THSD4: variants seen among roughly 807,000 people sequenced by gnomAD.
The protein encoded by THSD4 is thrombospondin type-1 domain-containing protein 4.
THSD4 carries 69 observed loss-of-function variants against 119.0 expected under a neutral mutation model. The ratio of observed to expected loss-of-function variants is 0.58; its 90% CI spans 0.48 to 0.71. The LOEUF (loss-of-function observed/expected upper bound fraction) is 0.71. Ranked by LOEUF, THSD4 falls within the 30% of genes least tolerant of loss-of-function variation. The pLI is 0.00. For missense variants in THSD4, 1,393 were observed against 1,391.1 expected (o/e 1.00, Z -0.02); for synonymous variants, 524 against 540.4 (o/e 0.97, Z 0.42).
Position 71,141,506 on chromosome 15 carries a change from T to C in THSD4, c.-22T>C. 1 of 1,606,430 alleles carries C rather than the reference T, an allele frequency of 6.2e-7. No homozygotes were observed. The highest frequency in any genetic ancestry group is 8.5e-7 in the Non-Finnish European group (1 of 1,176,622). On this transcript the variant is annotated 5_prime_UTR_variant, in exon 2 of 18. Transcript: ENST00000261862. ...GGCAACGTCTCTGAAGAGCCCTTGC[T>C]TTTGCCTGGACCCCCAGCATCATGG...
intron 6 of THSD4, among the ~76,000 whole-genome samples, chr15:71,399,400 A>G (rs2046494408): frequency 6.6e-6 from 1 of 152,206 alleles, no homozygotes; most frequent in Admixed American, 6.5e-5. Context: ...AAATGCAGCT[A>G]AAAAGGGAAG....
intron 7 of THSD4, among the ~76,000 whole-genome samples, chr15:71,573,095 T>C (rs904348989): frequency 6.6e-6 from 1 of 152,060 alleles, no homozygotes; most frequent in African/African-American, 2.4e-5. Flanking sequence ...CTTTGGGAAA[T>C]ACACTGTGGC....
intron 8 of THSD4, among the ~76,000 whole-genome samples, chr15:71,710,072 T>C (rs1020984550): frequency 6.6e-6 from 1 of 152,208 alleles, no homozygotes; most frequent in Non-Finnish European, 1.5e-5. Context: ...TAGACTAAGA[T>C]AGATAAACTT....
In THSD4 at chr15:71,424,557, C is replaced by T. The variant is rs566070839; in HGVS notation, c.1152+12734C>T. Among the ~76,000 whole-genome samples, 9 of 152,238 alleles carry T rather than the reference C, an allele frequency of 5.9e-5. No homozygotes were observed. The East Asian group carries it at 9.7e-4, about 16-fold the overall frequency. On this transcript the variant is annotated intron_variant, in intron 7 of 17. Coordinates refer to ENST00000261862, the MANE Select transcript of THSD4 (RefSeq NM_024817.3). ...TGCAGAGATTCTCCCTCCCTCACCC[C>T]AACCCCTTTCTCCAGACATCAAAAA...
chr15:71,298,757 C>T (rs980379052), intron 6 of THSD4, among the ~76,000 whole-genome samples: 1 of 152,032 alleles, frequency 6.6e-6, no homozygotes, highest in African/African-American at 2.4e-5. Flanking sequence ...GGACTACAGG[C>T]ACACGCCGCC....
rs556472282 is a variant in THSD4 at position 71,538,913 on chromosome 15, G to C, written c.1153-121617G>C. ...GATTGTGTCTCTGGCCCTTCTCCTG[G>C]CCCCACTTTAAATCCCTGAGCCCAG... On this transcript the variant is annotated intron_variant, in intron 7 of 17. Coordinates refer to ENST00000261862, the MANE Select transcript of THSD4 (RefSeq NM_024817.3). 2.0e-3 allele frequency among the ~76,000 whole-genome samples: 297 copies of C among 152,258 alleles called. 3 individuals carry two copies. Among genetic ancestry groups the C allele is most frequent in the Non-Finnish European group, 3.3e-3 (227 of 68,008 alleles).
intron 7 of THSD4, among the ~76,000 whole-genome samples, chr15:71,644,103 A>G (rs2050921640): frequency 6.6e-6 from 1 of 152,220 alleles, no homozygotes; most frequent in African/African-American, 2.4e-5. Flanking sequence ...TATAGGTTAA[A>G]TTAGCCCCAG....
intron 2 of THSD4, among the ~76,000 whole-genome samples, chr15:71,144,535 A>C (rs2040637792): frequency 6.6e-6 from 1 of 152,206 alleles, no homozygotes; most frequent in African/African-American, 2.4e-5. Context: ...AAACAGGTTA[A>C]AATTAGGAAT....
At position 71,395,914 on chromosome 15, in the gene THSD4, G is replaced by GACACACACAC. The variant is rs58433075; in HGVS notation, c.1016-15743_1016-15734dup. Among the ~76,000 whole-genome samples the GACACACACAC allele has an allele frequency of 6.4e-3, 849 of 133,364 alleles. 3 individuals carry two copies. The highest frequency in any genetic ancestry group is 7.4e-3 in the Non-Finnish European group (466 of 62,866). The allele number at this position is 133,364 out of a possible 152,430, so 87.5% of individuals were successfully genotyped here. A position where few individuals can be genotyped will look rare whatever the true frequency, so the allele number is the denominator to read the frequency against. Reference sequence around the variant, plus strand: ...TCTGCTTCTCAGTGTTTTGAAGAGAGACACACACACACACACACACACACA... The same window carrying GACACACACAC: ...TCTGCTTCTCAGTGTTTTGAAGAGAGACACACACACACACACACACACACACACACACACA... On this transcript the variant is annotated intron_variant, in intron 6 of 17. Coordinates refer to ENST00000261862, the MANE Select transcript of THSD4 (RefSeq NM_024817.3).
chr15:71,777,939 T>A lies in THSD4; in HGVS notation c.*565T>A, dbSNP rs1242408745. Reference sequence around the variant, plus strand: ...AGATAGCTCACATGAATATTGTGCTTTATTTAGCAGGTGTACTCACAGATA... The same window carrying A: ...AGATAGCTCACATGAATATTGTGCTATATTTAGCAGGTGTACTCACAGATA... On this transcript the variant is annotated 3_prime_UTR_variant, in exon 18 of 18. Coordinates refer to ENST00000261862, the MANE Select transcript of THSD4 (RefSeq NM_024817.3). 6.4e-6 allele frequency: 1 copy of A among 155,306 alleles called. No homozygotes were observed. The highest frequency in any genetic ancestry group is 1.4e-5 in the Non-Finnish European group (1 of 69,684). The allele number at this position is 155,306 out of a possible 1,614,324, so 9.6% of individuals were successfully genotyped here. A position where few individuals can be genotyped will look rare whatever the true frequency, so the allele number is the denominator to read the frequency against.
chr15:71,687,686 C>T (rs551464431), intron 8 of THSD4, among the ~76,000 whole-genome samples: 8 of 148,904 alleles, frequency 5.4e-5, no homozygotes, highest in East Asian at 2.0e-4. Context: ...ACCCGGGAGA[C>T]GGAGGCTGCA....
intron 6 of THSD4, among the ~76,000 whole-genome samples, chr15:71,374,750 C>A (rs373167366): frequency 6.6e-6 from 1 of 152,154 alleles, no homozygotes; most frequent in African/African-American, 2.4e-5. Context: ...CAAAGGAAAA[C>A]GCCCAATCTC....
intron 7 of THSD4, among the ~76,000 whole-genome samples, chr15:71,537,949 G>A (rs1479248260): frequency 6.6e-6 from 1 of 151,768 alleles, no homozygotes; most frequent in Non-Finnish European, 1.5e-5. Flanking sequence ...TTTTAGTAGG[G>A]ATGAGGTTTC....
intron 6 of THSD4, among the ~76,000 whole-genome samples, chr15:71,327,275 C>T (rs1204170739): frequency 9.9e-5 from 15 of 152,000 alleles, no homozygotes; most frequent in Admixed American, 9.8e-4. Context: ...ACATAAATTC[C>T]CATAGTTATG....
intron 8 of THSD4, among the ~76,000 whole-genome samples, chr15:71,723,773 A>G (rs11858936): frequency 0.89 from 136,115 of 152,168 alleles, 62,599 homozygotes; most frequent in Non-Finnish European, 1. Context: ...ATTGACATCT[A>G]AAGAATGAAT....
chr15:71,144,153 A>C (rs1467704309), intron 2 of THSD4, among the ~76,000 whole-genome samples: 1 of 152,162 alleles, frequency 6.6e-6, no homozygotes, highest in African/African-American at 2.4e-5. Context: ...TGTCAATACT[A>C]GAGGAAGAAA....
intron 7 of THSD4, among the ~76,000 whole-genome samples, chr15:71,463,589 C>A (rs1447427984): frequency 6.6e-6 from 1 of 152,154 alleles, no homozygotes; most frequent in Non-Finnish European, 1.5e-5. Context: ...GGAAATGGGG[C>A]AAGCTGGGAA....
intron 16 of THSD4, among the ~76,000 whole-genome samples, chr15:71,765,790 C>CTGTGTGTGTG (rs59012463): frequency 1.8e-4 from 27 of 146,222 alleles, no homozygotes; most frequent in Non-Finnish European, 2.4e-4. Flanking sequence ...CACACACTCT[C>CTGTGTGTGTG]TGTGTGTGTG....
chr15:71,648,875 T>C (rs1195635716), intron 7 of THSD4, among the ~76,000 whole-genome samples: 2 of 152,232 alleles, frequency 1.3e-5, no homozygotes, highest in Non-Finnish European at 2.9e-5. Context: ...TACCTTCATT[T>C]ACACATTTCA....
Sources: allele counts gnomAD v4.1 joint callset (sites outside exome capture counted in the v4.1 genomes callset), GRCh38; gene constraint gnomAD v4.1.1; transcripts MANE v1.5; gene names NCBI Gene and HGNC (gene_info 2026-07-23, HGNC 2026-07-21).